Variants in BICC1 observed in about 807,000 individuals in gnomAD.
BICC1 encodes the protein protein bicaudal C homolog 1.
In BICC1, 43 loss-of-function variants were observed where a neutral mutation model predicts 111.0. The observed-to-expected ratio is 0.39, with a 90% CI of 0.30 to 0.50. The LOEUF is 0.50. BICC1 is among the 20% of genes least tolerant of loss of function. BICC1 has a pLI of 0.88. For synonymous variants in BICC1, 467 were observed against 434.4 expected (o/e 1.07, Z -0.93); for missense variants, 1,091 against 1,203.2 (o/e 0.91, Z 1.38).
intron 2 of BICC1, among the ~76,000 whole-genome samples, chr10:58,632,888 A>G (rs905331425): frequency 1.4e-5 from 2 of 145,048 alleles, no homozygotes; most frequent in East Asian, 4.2e-4. Flanking sequence ...GATAGATATC[A>G]CTTCATCTGA....
In BICC1 at chr10:58,546,727, T is replaced by C. The variant is rs201584796; in HGVS notation, c.190+33394T>C. Among the ~76,000 whole-genome samples, 3 of 152,238 alleles carry C rather than the reference T, an allele frequency of 2.0e-5. 1 individual carries two copies. The East Asian group carries it at 5.8e-4, about 29-fold the overall frequency. ...ACCTAATTAAGTAAAAAACTTTTTT[T>C]AAAAAAATAATTTATTTTGTTATCC... On this transcript the variant is annotated intron_variant, in intron 1 of 20. Transcript: ENST00000373886.
intron 1 of BICC1, among the ~76,000 whole-genome samples, chr10:58,520,467 TCAGG>T (rs1842359706): frequency 6.6e-6 from 1 of 152,126 alleles, no homozygotes; most frequent in Non-Finnish European, 1.5e-5. Context: ...TTCCTACCTA[TCAGG>T]CTACTAATAG....
chr10:58,818,111 A>G (rs1844151249), intron 19 of BICC1, among the ~76,000 whole-genome samples: 3 of 152,162 alleles, frequency 2.0e-5, no homozygotes. Context: ...AAAGTAAATA[A>G]CAGCATCTGA....
chr10:58,527,747 G>A, intron 1 of BICC1, among the ~76,000 whole-genome samples: 1 of 151,870 alleles, frequency 6.6e-6, no homozygotes, highest in Non-Finnish European at 1.5e-5. Flanking sequence ...ATAGACCAAT[G>A]GAACAGAACA....
chr10:58,522,108 T>C (rs1842406523), intron 1 of BICC1, among the ~76,000 whole-genome samples: 1 of 151,950 alleles, frequency 6.6e-6, no homozygotes, highest in African/African-American at 2.4e-5. Context: ...TTGTTTATAG[T>C]GGCTTGTTGT....
At chr10:58,677,048 C>T (rs1473696174) in intron 2 of BICC1, among the ~76,000 whole-genome samples, 1 of 152,196 alleles carries the variant, frequency 6.6e-6, no homozygotes, top group Non-Finnish European at 1.5e-5. Context: ...ATCTGAAGGT[C>T]ACCAGCATCA....
At chr10:58,756,366 G>T (rs1284266482) in intron 3 of BICC1, among the ~76,000 whole-genome samples, 1 of 152,152 alleles carries the variant, frequency 6.6e-6, no homozygotes, top group East Asian at 1.9e-4. Context: ...TGTGTGTGGG[G>T]GTGGAGAGGG....
intron 2 of BICC1, among the ~76,000 whole-genome samples, chr10:58,660,024 A>G (rs1164630544): frequency 6.6e-6 from 1 of 152,182 alleles, no homozygotes; most frequent in Non-Finnish European, 1.5e-5. Context: ...TGAATTGCCT[A>G]AACAATGAGC....
intron 1 of BICC1, among the ~76,000 whole-genome samples, chr10:58,601,825 A>G (rs1365357543): frequency 6.6e-6 from 1 of 152,128 alleles, no homozygotes; most frequent in Admixed American, 6.5e-5. Flanking sequence ...CATTTAAAAA[A>G]GGATGGATTC....
At chr10:58,783,468 T>C (rs1278347655) in intron 3 of BICC1, among the ~76,000 whole-genome samples, 1 of 152,072 alleles carries the variant, frequency 6.6e-6, no homozygotes, top group Non-Finnish European at 1.5e-5. Context: ...TCACCTAGGC[T>C]GTGGGATGGG....
chr10:58,630,465 G>T (rs1315224163), intron 2 of BICC1, among the ~76,000 whole-genome samples: 1 of 152,112 alleles, frequency 6.6e-6, no homozygotes, highest in Non-Finnish European at 1.5e-5. Flanking sequence ...GTTTTGCTCT[G>T]TTGCCCAGGC....
chr10:58,590,049 G>A (rs551860698), intron 1 of BICC1, among the ~76,000 whole-genome samples: 1 of 152,146 alleles, frequency 6.6e-6, no homozygotes, highest in South Asian at 2.1e-4. Context: ...TTATTCATAT[G>A]GGATTAACAA....
intron 2 of BICC1, among the ~76,000 whole-genome samples, chr10:58,666,505 A>G (rs1024377758): frequency 6.6e-6 from 1 of 152,178 alleles, no homozygotes; most frequent in South Asian, 2.1e-4. Context: ...TTTAATTCTA[A>G]TAGGTTGCTG....
At chr10:58,737,149 G>C (rs1017569664) in intron 3 of BICC1, among the ~76,000 whole-genome samples, 1 of 151,964 alleles carries the variant, frequency 6.6e-6, no homozygotes, top group Non-Finnish European at 1.5e-5. Context: ...ACAACGTGCA[G>C]GTTTGTTACA....
chr10:58,660,977 C>G (rs1588986278), intron 2 of BICC1, among the ~76,000 whole-genome samples: 1 of 152,274 alleles, frequency 6.6e-6, no homozygotes, highest in South Asian at 2.1e-4. Flanking sequence ...TTGTCCATTT[C>G]TCCCACAAGT....
intron 14 of BICC1, among the ~76,000 whole-genome samples, chr10:58,801,773 AT>A (rs960196837): frequency 6.6e-6 from 1 of 151,950 alleles, no homozygotes; most frequent in Non-Finnish European, 1.5e-5. Flanking sequence ...ATTAAAATCC[AT>A]TTTCCTTTAT....
At chr10:58,718,694 C>A (rs1047487676) in intron 3 of BICC1, among the ~76,000 whole-genome samples, 18 of 150,672 alleles carry the variant, frequency 1.2e-4, no homozygotes, top group Non-Finnish European at 2.5e-4. Flanking sequence ...ATTGGATTTC[C>A]AAAATAAATT....
At chr10:58,756,575 C>T (rs11815410) in intron 3 of BICC1, among the ~76,000 whole-genome samples, 59,713 of 151,036 alleles carry the variant, frequency 0.4, 12,718 homozygotes, top group Admixed American at 0.54. Context: ...TCCATGGGCT[C>T]GCACTTCTCA....
chr10:58,597,888 G>C (rs1844873996), intron 1 of BICC1, among the ~76,000 whole-genome samples: 1 of 151,952 alleles, frequency 6.6e-6, no homozygotes, highest in Non-Finnish European at 1.5e-5. Context: ...CTGTTATTCT[G>C]TTCTTTTTCA....
Sources: gnomAD v4.1 joint callset for allele counts (sites outside exome capture counted in the v4.1 genomes callset) on GRCh38, gnomAD v4.1.1 for gene constraint, MANE v1.5 for transcripts, NCBI Gene and HGNC (gene_info 2026-07-23, HGNC 2026-07-21) for gene names.